FAM110B: variants seen among roughly 807,000 people sequenced by gnomAD.
The protein encoded by FAM110B is family with sequence similarity 110 member B.
FAM110B carries 6 observed loss-of-function variants against 20.4 expected under a neutral mutation model. The ratio of observed to expected loss-of-function variants is 0.29; its 90% CI spans 0.16 to 0.58. The LOEUF (loss-of-function observed/expected upper bound fraction) is 0.58, where lower values mean the gene tolerates loss of function less well. Among genes scored for constraint, FAM110B ranks in the 20% least tolerant of loss-of-function variants. FAM110B has a pLI of 0.90. For missense variants in FAM110B, 434 were observed against 498.2 expected (o/e 0.87, Z 1.23); for synonymous variants, 226 against 214.1 (o/e 1.06, Z -0.49).
chr8:58,127,602 T>TCAG (rs1807541352), intron 3 of FAM110B, among the ~76,000 whole-genome samples: 1 of 152,206 alleles, frequency 6.6e-6, no homozygotes, highest in South Asian at 2.1e-4. Context: ...AAAGGTGAGT[T>TCAG]CAGCAAGTTC....
chr8:58,054,845 G>A (rs1437935795), intron 2 of FAM110B, among the ~76,000 whole-genome samples: 1 of 151,964 alleles, frequency 6.6e-6, no homozygotes, highest in African/African-American at 2.4e-5. Flanking sequence ...TTTTAGGCTA[G>A]TTTCATCTTT....
chr8:58,119,550 C>G (rs1301489714), intron 3 of FAM110B, among the ~76,000 whole-genome samples: 1 of 152,180 alleles, frequency 6.6e-6, no homozygotes, highest in East Asian at 1.9e-4. Flanking sequence ...TCAGACCATA[C>G]TAGGGAGAAA....
Position 58,133,355 on chromosome 8 carries a change from C to T in FAM110B, c.-324-12552C>T, listed in dbSNP as rs536696959. ...CATCCTGAACTAAACACATGTCACA[C>T]GAGAATCTCTACAAGGGATTCCAAA... On this transcript the variant is annotated intron_variant, in intron 3 of 3. Transcript: ENST00000519262. Among the ~76,000 whole-genome samples the T allele has an allele frequency of 5.3e-5, 8 of 152,198 alleles. No individual in the cohort carries two copies. The South Asian group carries it at 6.2e-4, about 12-fold the overall frequency.
intron 2 of FAM110B, among the ~76,000 whole-genome samples, chr8:58,039,570 A>G (rs1416084460): frequency 2.0e-5 from 3 of 152,236 alleles, no homozygotes; most frequent in East Asian, 1.9e-4. Flanking sequence ...TAGTCATTTA[A>G]GAAGTTTTGT....
intron 2 of FAM110B, among the ~76,000 whole-genome samples, chr8:58,057,820 G>T (rs1203816934): frequency 6.6e-6 from 1 of 152,214 alleles, no homozygotes; most frequent in Non-Finnish European, 1.5e-5. Context: ...ATGCCTTTTG[G>T]CATGGGACCA....
intron 3 of FAM110B, among the ~76,000 whole-genome samples, chr8:58,121,642 G>C (rs1807363326): frequency 6.6e-6 from 1 of 152,098 alleles, no homozygotes; most frequent in Non-Finnish European, 1.5e-5. Context: ...CTTTAACCAT[G>C]CCTCTTTGCT....
At position 58,115,550 on chromosome 8, in the gene FAM110B, C is replaced by T. The variant is rs534712496; in HGVS notation, c.-324-30357C>T. 4.8e-4 allele frequency among the ~76,000 whole-genome samples: 73 copies of T among 152,204 alleles called. No homozygotes were observed. In the South Asian group the frequency reaches 7.7e-3, roughly 16 times the overall value. Reference sequence around the variant, plus strand: ...CTGGGACTTCAGGCACATGCCACCACGCCTGGCTAATTTTTGTATTTTTAG... The same window carrying T: ...CTGGGACTTCAGGCACATGCCACCATGCCTGGCTAATTTTTGTATTTTTAG... On this transcript the variant is annotated intron_variant, in intron 3 of 3. Transcript: ENST00000519262.
intron 2 of FAM110B, among the ~76,000 whole-genome samples, chr8:58,035,687 A>C (rs1433908684): frequency 6.6e-6 from 1 of 152,214 alleles, no homozygotes; most frequent in Non-Finnish European, 1.5e-5. Context: ...CATTTGTTAG[A>C]ATGCTGAGAA....
intron 2 of FAM110B, among the ~76,000 whole-genome samples, chr8:58,060,222 C>T (rs1805628002): frequency 6.6e-6 from 1 of 152,046 alleles, no homozygotes. Flanking sequence ...GATTCCTCAC[C>T]GTGGCTCACA....
chr8:58,096,899 G>T (rs934637035), intron 3 of FAM110B, among the ~76,000 whole-genome samples: 1 of 152,178 alleles, frequency 6.6e-6, no homozygotes, highest in African/African-American at 2.4e-5. Context: ...TAGGGTTTCT[G>T]CAGAGAGATC....
chr8:58,102,676 C>A (rs1806807405), intron 3 of FAM110B, among the ~76,000 whole-genome samples: 1 of 152,188 alleles, frequency 6.6e-6, no homozygotes, highest in Non-Finnish European at 1.5e-5. Context: ...TTGTCTGCCA[C>A]TGCCCTCAGC....
At chr8:58,045,982 C>G (rs1411650295) in intron 2 of FAM110B, among the ~76,000 whole-genome samples, 1 of 152,146 alleles carries the variant, frequency 6.6e-6, no homozygotes, top group Admixed American at 6.5e-5. Context: ...GACAAGGCAG[C>G]TCTCTGGGGC....
chr8:58,096,796 T>C (rs1255408429), intron 3 of FAM110B, among the ~76,000 whole-genome samples: 1 of 152,154 alleles, frequency 6.6e-6, no homozygotes, highest in Non-Finnish European at 1.5e-5. Context: ...CTCCTTTGCT[T>C]ATGATGTTTA....
In FAM110B at chr8:58,133,758, C is replaced by T. The variant is rs73241747; in HGVS notation, c.-324-12149C>T. On this transcript the variant is annotated intron_variant, in intron 3 of 3. Transcript: ENST00000519262. ...CCCCTGACACCAGTCTCTCCTCTCCCTCCTAAGGCAGTGTCTACCTTTAGG... is the reference window on the plus strand; with the variant it reads ...CCCCTGACACCAGTCTCTCCTCTCCTTCCTAAGGCAGTGTCTACCTTTAGG... Among the ~76,000 whole-genome samples, 158 of 152,306 alleles carry T rather than the reference C, an allele frequency of 1.0e-3. 1 individual carries two copies. The highest frequency in any genetic ancestry group is 3.7e-3 in the African/African-American group (154 of 41,576).
intron 1 of FAM110B, among the ~76,000 whole-genome samples, chr8:58,021,171 T>G (rs1804745663): frequency 6.6e-6 from 1 of 152,200 alleles, no homozygotes; most frequent in Non-Finnish European, 1.5e-5. Context: ...CCCCGGATGC[T>G]GATTGGGTTT....
At chr8:58,128,808 G>C (rs1222940715) in intron 3 of FAM110B, among the ~76,000 whole-genome samples, 1 of 152,166 alleles carries the variant, frequency 6.6e-6, no homozygotes, top group Admixed American at 6.5e-5. Flanking sequence ...TTTGTCCAAA[G>C]ACTAGAAATA....
intron 3 of FAM110B, among the ~76,000 whole-genome samples, chr8:58,140,034 A>G (rs1248557663): frequency 1.3e-5 from 2 of 152,194 alleles, no homozygotes; most frequent in Non-Finnish European, 2.9e-5. Context: ...AGCAGCAGGA[A>G]TGGACACAGT....
intron 1 of FAM110B, among the ~76,000 whole-genome samples, chr8:58,029,144 C>T (rs959668931): frequency 5.3e-5 from 8 of 152,168 alleles, no homozygotes; most frequent in Non-Finnish European, 8.8e-5. Flanking sequence ...TCAGTGAATA[C>T]GAATTCAGTC....
At chr8:58,004,663 T>C (rs540863553) in intron 1 of FAM110B, among the ~76,000 whole-genome samples, 1 of 152,338 alleles carries the variant, frequency 6.6e-6, no homozygotes. Flanking sequence ...GAGAATTGCT[T>C]GAGCCCGGGA....
Sources: gnomAD v4.1 joint callset for allele counts (sites outside exome capture counted in the v4.1 genomes callset) on GRCh38, gnomAD v4.1.1 for gene constraint, MANE v1.5 for transcripts, NCBI Gene and HGNC (gene_info 2026-07-23, HGNC 2026-07-21) for gene names.